The following RFX7 variants were observed in gnomAD, a reference collection of about 807,000 sequenced individuals.
The protein encoded by RFX7 is regulatory factor X7.
Under a neutral mutation model 111.8 loss-of-function variants are expected in RFX7, and 26 were observed. The ratio of observed to expected loss-of-function variants is 0.23; its 90% CI spans 0.17 to 0.32. RFX7 has a LOEUF of 0.32. RFX7 is among the 10% of genes least tolerant of loss of function. RFX7 has a pLI of 1.00. For missense variants in RFX7, 1,573 were observed against 1,772.9 expected (o/e 0.89, Z 2.02); for synonymous variants, 624 against 624.4 (o/e 1.00, Z 0.01).
chr15:56,153,188 G>C (rs1379018180), intron 3 of RFX7, among the ~76,000 whole-genome samples: 2 of 152,128 alleles, frequency 1.3e-5, no homozygotes, highest in African/African-American at 2.4e-5. Context: ...GAAAAAGAGG[G>C]ACTCCTCCCT....
At chr15:56,109,402 C>G (rs1394944816) in intron 5 of RFX7, among the ~76,000 whole-genome samples, 1 of 152,246 alleles carries the variant, frequency 6.6e-6, no homozygotes, top group African/African-American at 2.4e-5. Context: ...GCTACAACAT[C>G]CACCTCCCAG....
At position 56,238,038 on chromosome 15, in the gene RFX7, T is replaced by C. The variant is rs115299497; in HGVS notation, c.161+5087A>G. ...TATTTTTAAAGCAAAATGAAAATCATAGACTTTCAGTTAAAGTAAACTCTA... is the reference window on the plus strand; with the variant it reads ...TATTTTTAAAGCAAAATGAAAATCACAGACTTTCAGTTAAAGTAAACTCTA... On this transcript the variant is annotated intron_variant, in intron 2 of 9. Transcript: ENST00000559447. 8.9e-4 allele frequency among the ~76,000 whole-genome samples: 136 copies of C among 152,314 alleles called. 1 individual carries two copies. The highest frequency in any genetic ancestry group is 3.2e-3 in the African/African-American group (134 of 41,578).
intron 5 of RFX7, among the ~76,000 whole-genome samples, chr15:56,135,518 C>A (rs1261437042): frequency 2.0e-5 from 3 of 151,696 alleles, no homozygotes; most frequent in Admixed American, 6.6e-5. Flanking sequence ...GATATTAGCC[C>A]TTTGTCAGAT....
chr15:56,179,348 A>G (rs755618992), intron 2 of RFX7, 45 bp from the exon 3 acceptor site: 10 of 901,352 alleles, frequency 1.1e-5, no homozygotes, highest in Middle Eastern at 2.6e-4. Flanking sequence ...AAAGTTTATT[A>G]ACTATCTGCA....
At chr15:56,140,106 G>GAGGC (rs558744105) in intron 5 of RFX7, among the ~76,000 whole-genome samples, 168 of 152,322 alleles carry the variant, frequency 1.1e-3, no homozygotes, top group African/African-American at 4.0e-3. Context: ...GGAGCCTACA[G>GAGGC]AGGCAGGCAG....
chr15:56,101,492 C>T lies in RFX7; in HGVS notation c.678G>A (p.Val226=). 6.2e-7 allele frequency: 1 copy of T among 1,613,728 alleles called. No individual in the cohort carries two copies. The highest frequency in any genetic ancestry group is 8.5e-7 in the Non-Finnish European group (1 of 1,179,796). Residue 226 remains valine, a synonymous_variant, in exon 8 of 10, where the codon GTG becomes GTA. Coordinates refer to ENST00000559447, the MANE Select transcript of RFX7 (RefSeq NM_022841.7). ...TTAACACTTTCTGGGCCCACTCACA[C>T]ACAAGACGGCAAGCAGAAGAGATAA... The part of the protein sequence containing the change: ...EEVISSACRL[V]CEWAQKVLSQ...
chr15:56,111,124 G>A (rs1487276707), intron 5 of RFX7, among the ~76,000 whole-genome samples: 3 of 140,652 alleles, frequency 2.1e-5, no homozygotes, highest in East Asian at 4.6e-4. Context: ...CCTCTGCCCG[G>A]CCACCACCCC....
intron 2 of RFX7, among the ~76,000 whole-genome samples, chr15:56,218,452 T>C (rs964578791): frequency 9.9e-5 from 15 of 152,244 alleles, no homozygotes; most frequent in Non-Finnish European, 1.5e-4. Context: ...TTAAAGTATA[T>C]AGAAGAATGT....
rs2041649111 is a variant in RFX7 at position 56,094,845 on chromosome 15, GGTTGGGGTTGGA to G, written c.2871_2882del (p.Pro962_Thr965del). The G allele has an allele frequency of 6.4e-7, 1 of 1,556,682 alleles. No individual in the cohort carries two copies. The highest frequency in any genetic ancestry group is 8.7e-7 in the Non-Finnish European group (1 of 1,150,636). The stretch of plus-strand genomic sequence containing the variant: ...CAATCATTTCAGATGTCGGGGTTGG[GGTTGGGGTTGGA>G]GTAGGAGTGGGTGTGGGTGTGGGTG... On this transcript the variant is annotated inframe_deletion, in exon 10 of 10. Coordinates refer to ENST00000559447, the MANE Select transcript of RFX7 (RefSeq NM_022841.7).
At chr15:56,117,244 T>C (rs2042020005) in intron 5 of RFX7, among the ~76,000 whole-genome samples, 1 of 152,182 alleles carries the variant, frequency 6.6e-6, no homozygotes, top group Non-Finnish European at 1.5e-5. Flanking sequence ...GGTCTAATAT[T>C]ATACGGAGAA....
chr15:56,206,785 A>G (rs546786700), intron 2 of RFX7, among the ~76,000 whole-genome samples: 4 of 149,622 alleles, frequency 2.7e-5, no homozygotes, highest in Admixed American at 2.0e-4. Context: ...TACTTGTGGA[A>G]GGTAAAAATT....
At chr15:56,204,593 A>C (rs925304226) in intron 2 of RFX7, among the ~76,000 whole-genome samples, 1 of 152,172 alleles carries the variant, frequency 6.6e-6, no homozygotes, top group South Asian at 2.1e-4. Context: ...ACAATATTTT[A>C]ATGTAAAGTC....
intron 5 of RFX7, among the ~76,000 whole-genome samples, chr15:56,110,414 A>G (rs1474058655): frequency 5.2e-4 from 28 of 53,644 alleles, no homozygotes; most frequent in Non-Finnish European, 5.2e-4. Flanking sequence ...CGTCCGGGGG[A>G]GGGGGGGTCA....
intron 3 of RFX7, among the ~76,000 whole-genome samples, chr15:56,153,365 A>G (rs1477409263): frequency 2.0e-5 from 3 of 152,214 alleles, no homozygotes. Context: ...ATCCACCATG[A>G]TCAAGTTTGC....
chr15:56,168,221 T>C (rs2042805103), intron 3 of RFX7, among the ~76,000 whole-genome samples: 1 of 152,252 alleles, frequency 6.6e-6, no homozygotes, highest in Non-Finnish European at 1.5e-5. Context: ...TTATGAGGAC[T>C]GAATGATAAA....
At chr15:56,097,982 G>C in intron 9 of RFX7, 99 bp downstream of exon 9, 1 of 1,020,720 alleles carries the variant, frequency 9.8e-7, no homozygotes. Flanking sequence ...ATCAGTTTGT[G>C]GCTACTCTTA....
intron 2 of RFX7, among the ~76,000 whole-genome samples, chr15:56,233,303 C>G (rs1200817600): frequency 6.6e-6 from 1 of 152,148 alleles, no homozygotes; most frequent in Non-Finnish European, 1.5e-5. Flanking sequence ...AAAGAAGTTT[C>G]CCTTTATAAA....
At chr15:56,097,381 G>A (rs757735019) in intron 9 of RFX7, among the ~76,000 whole-genome samples, 3 of 152,028 alleles carry the variant, frequency 2.0e-5, no homozygotes, top group Non-Finnish European at 4.4e-5. Context: ...CTACATTTAA[G>A]TAATCATTAC....
At chr15:56,204,589 T>C (rs1182213006) in intron 2 of RFX7, among the ~76,000 whole-genome samples, 1 of 152,168 alleles carries the variant, frequency 6.6e-6, no homozygotes, top group Non-Finnish European at 1.5e-5. Context: ...CCTTACAATA[T>C]TTTAATGTAA....
Sources: allele counts gnomAD v4.1 joint callset (sites outside exome capture counted in the v4.1 genomes callset), GRCh38; gene constraint gnomAD v4.1.1; transcripts MANE v1.5; gene names NCBI Gene and HGNC (gene_info 2026-07-23, HGNC 2026-07-21).